Variants in TENM3 observed in about 807,000 individuals in gnomAD.
TENM3 encodes the protein teneurin-3.
TENM3 carries 63 observed loss-of-function variants against 255.1 expected under a neutral mutation model. The ratio of observed to expected loss-of-function variants is 0.25; its 90% CI spans 0.20 to 0.30. The LOEUF (loss-of-function observed/expected upper bound fraction) is 0.30, where lower values mean the gene tolerates loss of function less well. Ranked by LOEUF, TENM3 falls within the 10% of genes least tolerant of loss-of-function variation. The pLI is 1.00. For synonymous variants in TENM3, 1,306 were observed against 1,322.3 expected (o/e 0.99, Z 0.27); for missense variants, 2,929 against 3,461.1 (o/e 0.85, Z 3.86).
chr4:182,647,288 G>A (rs1752841616), intron 5 of TENM3, among the ~76,000 whole-genome samples: 1 of 152,208 alleles, frequency 6.6e-6, no homozygotes, highest in East Asian at 1.9e-4. Context: ...GTATAGCTCA[G>A]TAGGATTAGC....
chr4:182,217,946 A>T (rs1030089062), intron 1 of TENM3, among the ~76,000 whole-genome samples: 37 of 152,354 alleles, frequency 2.4e-4, no homozygotes, highest in African/African-American at 8.4e-4. Context: ...GTTTCCTTGG[A>T]CTGCAGCCAC....
the TENM3 span, among the ~76,000 whole-genome samples, chr4:181,971,948 G>A: frequency 1.3e-5 from 2 of 151,802 alleles, no homozygotes; most frequent in Admixed American, 1.3e-4. Context: ...TAATAATATC[G>A]GCAACGTCTC....
chr4:182,690,657 A>T (rs1048769107), intron 12 of TENM3, among the ~76,000 whole-genome samples: 3 of 152,218 alleles, frequency 2.0e-5, no homozygotes, highest in Non-Finnish European at 2.9e-5. Context: ...CCAAAAAGTT[A>T]TCCATAGGCG....
the TENM3 span, among the ~76,000 whole-genome samples, chr4:181,611,899 T>G: frequency 6.6e-6 from 1 of 152,268 alleles, no homozygotes; most frequent in African/African-American, 2.4e-5. Flanking sequence ...GTAAAATCAC[T>G]TTGGAAATCT....
the TENM3 span, among the ~76,000 whole-genome samples, chr4:181,985,186 C>A: frequency 5.9e-5 from 9 of 151,502 alleles, no homozygotes; most frequent in African/African-American, 2.2e-4. Context: ...TATATAATTG[C>A]ATCATTTTCC....
chr4:182,794,946 G>A (rs993582437), intron 26 of TENM3, among the ~76,000 whole-genome samples: 6 of 150,456 alleles, frequency 4.0e-5, no homozygotes, highest in East Asian at 3.9e-4. Flanking sequence ...CTTTCCTGTT[G>A]TCTTTTTTTT....
rs1034108717 is a variant in TENM3, at chr4:182,792,063, A to C, written c.5602-211A>C. 9.2e-5 allele frequency among the ~76,000 whole-genome samples: 14 copies of C among 152,180 alleles called. No individual in the cohort carries two copies. Among genetic ancestry groups the C allele is most frequent in the African/African-American group, 3.4e-4 (14 of 41,444 alleles). On this transcript the variant is annotated intron_variant, in intron 25 of 27. Coordinates refer to ENST00000511685, the MANE Select transcript of TENM3 (RefSeq NM_001080477.4). This position sits in a 1 kb window ranked among gnomAD's most constrained non-coding sequence, Gnocchi z 6.3. Reference sequence around the variant, plus strand: ...TGTCGTGACAGGCAGCACATTGTGAATCTCGAGCCACTAATTGCAGAACCC... The same window carrying C: ...TGTCGTGACAGGCAGCACATTGTGACTCTCGAGCCACTAATTGCAGAACCC...
the TENM3 span, among the ~76,000 whole-genome samples, chr4:181,474,949 G>A: frequency 1.1e-4 from 17 of 152,144 alleles, no homozygotes; most frequent in African/African-American, 3.6e-4. Context: ...GACTCTAAGC[G>A]TATGAAAAAC....
the TENM3 span, among the ~76,000 whole-genome samples, chr4:181,450,636 T>G: frequency 3.3e-5 from 5 of 152,208 alleles, no homozygotes; most frequent in Non-Finnish European, 7.3e-5. Flanking sequence ...CACCAGTTTC[T>G]CATACTCTTA....
chr4:182,484,200 C>T (rs1253423451), intron 3 of TENM3, among the ~76,000 whole-genome samples: 35 of 152,126 alleles, frequency 2.3e-4, no homozygotes, highest in Admixed American at 2.3e-3. Context: ...TTAATCCTTA[C>T]ACCAATCCGA....
chr4:181,683,661 A>G, the TENM3 span, among the ~76,000 whole-genome samples: 1 of 152,180 alleles, frequency 6.6e-6, no homozygotes, highest in African/African-American at 2.4e-5. Flanking sequence ...CGAAGCTTTC[A>G]GTTACTCGTG....
intron 1 of TENM3, among the ~76,000 whole-genome samples, chr4:182,196,305 C>T (rs1753830751): frequency 6.6e-6 from 1 of 152,082 alleles, no homozygotes; most frequent in South Asian, 2.1e-4. Context: ...CTAGATGTAA[C>T]ATTCAGATGG....
chr4:182,607,095 A>T lies in TENM3; in HGVS notation c.749+5934A>T, dbSNP rs148897345. 1.9e-3 allele frequency among the ~76,000 whole-genome samples: 285 copies of T among 152,344 alleles called. 1 individual carries two copies. Among genetic ancestry groups the T allele is most frequent in the Middle Eastern group, 3.4e-3 (1 of 294 alleles). On this transcript the variant is annotated intron_variant, in intron 4 of 27. Transcript: ENST00000511685. ...CAAAATGATTTATAAGTGTGAAATG[A>T]AATAAAGTAAGTGGAGCACGTGGCA...
At chr4:182,664,920 C>T (rs1754532015) in intron 6 of TENM3, among the ~76,000 whole-genome samples, 1 of 152,180 alleles carries the variant, frequency 6.6e-6, no homozygotes, top group Admixed American at 6.5e-5. Context: ...CCCGTCTCTG[C>T]AACATAAAAA....
the TENM3 span, among the ~76,000 whole-genome samples, chr4:182,080,809 T>C: frequency 1.3e-5 from 2 of 150,526 alleles, no homozygotes; most frequent in African/African-American, 2.4e-5. Context: ...CTAGGCAACA[T>C]AGGGAGACCC....
chr4:181,864,340 T>G, the TENM3 span, among the ~76,000 whole-genome samples: 3 of 152,128 alleles, frequency 2.0e-5, no homozygotes, highest in Non-Finnish European at 2.9e-5. Context: ...ATGACCTGAT[T>G]GAGTCAGAAG....
intron 3 of TENM3, among the ~76,000 whole-genome samples, chr4:182,496,536 C>CAG (rs3073417): frequency 0.95 from 144,307 of 152,216 alleles, 68,559 homozygotes; most frequent in East Asian, 1. Context: ...TATAAGAAAA[C>CAG]GGATTGTTCT....
chr4:181,953,912 C>T, the TENM3 span, among the ~76,000 whole-genome samples: 7 of 152,146 alleles, frequency 4.6e-5, no homozygotes, highest in African/African-American at 7.2e-5. Flanking sequence ...TCACCCTGAA[C>T]GTTTTCTTGT....
the TENM3 span, among the ~76,000 whole-genome samples, chr4:181,881,698 G>C: frequency 7.2e-5 from 11 of 152,192 alleles, no homozygotes; most frequent in East Asian, 2.1e-3. Flanking sequence ...GTGTTTCCTG[G>C]AGACTTACAG....
Sources: allele counts gnomAD v4.1 joint callset (sites outside exome capture counted in the v4.1 genomes callset), GRCh38; gene constraint gnomAD v4.1.1; non-coding constraint Gnocchi (gnomAD v3.1); transcripts MANE v1.5; gene names NCBI Gene and HGNC (gene_info 2026-07-23, HGNC 2026-07-21).